SLC5A2: variants seen among roughly 807,000 people sequenced by gnomAD.
The protein encoded by SLC5A2 is solute carrier family 5 member 2.
A neutral mutation model predicts 69.0 loss-of-function variants in SLC5A2; 67 were observed. The ratio of observed to expected loss-of-function variants is 0.97; its 90% confidence interval spans 0.80 to 1.19. The LOEUF (loss-of-function observed/expected upper bound fraction) is 1.19, where lower values mean the gene tolerates loss of function less well. Among genes scored for constraint, SLC5A2 ranks in the 50% most tolerant of loss-of-function variants. SLC5A2 has a pLI of 0.00. For missense variants in SLC5A2, 1,001 were observed against 921.5 expected (o/e 1.09, Z -1.12); for synonymous variants, 455 against 395.8 (o/e 1.15, Z -1.78).
chr16:31,486,283 C>G lies in SLC5A2; in HGVS notation c.574+8C>G. 6.2e-7 allele frequency: 1 copy of G among 1,606,132 alleles called. No individual in the cohort carries two copies. The highest frequency in any genetic ancestry group is 1.3e-5 in the African/African-American group (1 of 74,854). On this transcript the variant is annotated splice_region_variant and intron_variant, in intron 5 of 13. Transcript: ENST00000330498. ...TGATTTACACGGTGACAGGTGCCAG[C>G]AGGGGCTTAGGAAAGGGAGTGGGCC...
intron 3 of SLC5A2, chr16:31,485,341 A>G: frequency 6.8e-6 from 3 of 439,852 alleles, no homozygotes; most frequent in South Asian, 6.7e-5. Context: ...GTTGGAGGGG[A>G]GATTGGGCTT....
chr16:31,485,864 C>A lies in SLC5A2; in HGVS notation c.439C>A (p.Leu147Ile). 6.2e-7 allele frequency: 1 copy of A among 1,613,670 alleles called. No homozygotes were observed. Among genetic ancestry groups the A allele is most frequent in the Non-Finnish European group, 8.5e-7 (1 of 1,180,034 alleles). ...RIRLYLSVLS[L>I]FLYIFTKISV... Reference sequence around the variant, plus strand: ...CCGCCTCTACCTGTCTGTGCTCTCCCTTTTCCTGTACATCTTCACCAAGAT... The same window carrying A: ...CCGCCTCTACCTGTCTGTGCTCTCCATTTTCCTGTACATCTTCACCAAGAT... The change falls in exon 4 of 14, where the codon CTT becomes ATT. Residue 147 changes from leucine (L) to isoleucine (I), a missense_variant. Physicochemically the swap from Leu to Ile is conservative, Grantham distance 5 (BLOSUM62 2). Coordinates refer to ENST00000330498, the MANE Select transcript of SLC5A2 (RefSeq NM_003041.4).
In SLC5A2 at chr16:31,490,337, C is replaced by T. The variant is rs1162874051; in HGVS notation, c.1821C>T (p.Phe607=). The change falls in exon 14 of 14, where the codon TTC becomes TTT. Residue 607 remains phenylalanine (F), a synonymous_variant. Coordinates refer to ENST00000330498, the MANE Select transcript of SLC5A2 (RefSeq NM_003041.4). The part of the protein sequence containing the change: ...NEPQAPAPSL[F]RQCLLWFCGM... ...CCCAGGCCCCGGCACCAAGCCTCTT[C>T]CGCCAGTGCCTGCTCTGGTTTTGTG... 1 of 1,612,598 alleles carries T rather than the reference C, an allele frequency of 6.2e-7. No homozygotes were observed. Among genetic ancestry groups the T allele is most frequent in the Non-Finnish European group, 8.5e-7 (1 of 1,179,464 alleles).
Position 31,489,320 on chromosome 16 carries a change from G to C in SLC5A2, c.1647G>C (p.Ala549=). 6.2e-7 allele frequency: 1 copy of C among 1,608,910 alleles called. No individual in the cohort carries two copies. Among genetic ancestry groups the C allele is most frequent in the African/African-American group, 1.3e-5 (1 of 75,042 alleles). ...CCCTCACGGTCTCCCTGTGCACCGC[G>C]CCCATCCCCAGAAAGCACGTGAGTG... is the stretch of plus-strand genomic sequence containing the variant. ...LLTLTVSLCT[A]PIPRKHLHRL... The change falls in exon 12 of 14, where the codon GCG becomes GCC. Residue 549 remains alanine, a synonymous_variant. Coordinates refer to ENST00000330498, the MANE Select transcript of SLC5A2 (RefSeq NM_003041.4).
intron 1 of SLC5A2, among the ~76,000 whole-genome samples, chr16:31,484,355 A>T (rs763995164): frequency 6.6e-6 from 1 of 151,244 alleles, no homozygotes; most frequent in Non-Finnish European, 1.5e-5. Context: ...TGGGAGGTGG[A>T]GGTTGTAGTG....
At position 31,489,338 on chromosome 16, in the gene SLC5A2, C is replaced by G. The variant is rs201758830; in HGVS notation, c.1665C>G (p.His555Gln). The G allele has an allele frequency of 1.9e-6, 3 of 1,606,954 alleles. No individual in the cohort carries two copies. The highest frequency in any genetic ancestry group is 2.7e-5 in the African/African-American group (2 of 75,040). Reference sequence around the variant, plus strand: ...GCACCGCGCCCATCCCCAGAAAGCACGTGAGTGGCCAGGTGCCCCAGGCAA... The same window carrying G: ...GCACCGCGCCCATCCCCAGAAAGCAGGTGAGTGGCCAGGTGCCCCAGGCAA... Reference protein sequence around the residue: ...SLCTAPIPRKHLHRLVFSLRH... With the variant: ...SLCTAPIPRKQLHRLVFSLRH... The change falls in exon 12 of 14, where the codon CAC becomes CAG. Residue 555 changes from histidine to glutamine, a missense_variant and splice_region_variant. By Grantham distance (24) the His-to-Gln change is conservative. Transcript: ENST00000330498.
chr16:31,487,809 G>T (rs759402018), intron 7 of SLC5A2, 50 bp downstream of exon 7: 3 of 1,537,460 alleles, frequency 2.0e-6, no homozygotes, highest in South Asian at 1.2e-5. Flanking sequence ...GAGCCGAGAC[G>T]GGCGGAGCCT....
intron 5 of SLC5A2, 126 bp downstream of exon 5, chr16:31,486,401 G>C (rs896432067): frequency 2.8e-6 from 2 of 719,064 alleles, no homozygotes; most frequent in South Asian, 2.9e-5. Flanking sequence ...GTCCAAGCAG[G>C]AGAAGGAACT....
intron 4 of SLC5A2, 127 bp downstream of exon 4, chr16:31,486,020 C>T: frequency 1.6e-6 from 2 of 1,243,556 alleles, no homozygotes; most frequent in Non-Finnish European, 2.3e-6. Context: ...GGAGGCAGAG[C>T]CTGCAATGAA....
At position 31,487,766 on chromosome 16, in the gene SLC5A2, G is replaced by T. The variant is rs752072314; in HGVS notation, c.885+7G>T. On this transcript the variant is annotated splice_region_variant and intron_variant, in intron 7 of 13. Coordinates refer to ENST00000330498, the MANE Select transcript of SLC5A2 (RefSeq NM_003041.4). ...GTACTGGTGCAGCGACCAGGTGCGG[G>T]TATAGGGCTGCGCCTGCAGTGAGGC... The T allele has an allele frequency of 1.2e-6, 2 of 1,603,604 alleles. No individual in the cohort carries two copies. The highest frequency in any genetic ancestry group is 1.7e-6 in the Non-Finnish European group (2 of 1,176,460).
At chr16:31,489,650 G>A (rs999379095) in intron 12 of SLC5A2, 30 of 513,100 alleles carry the variant, frequency 5.8e-5, no homozygotes, top group African/African-American at 3.8e-4. Flanking sequence ...CCACAAAAAG[G>A]TTTGGTTTTG....
chr16:31,490,570 C>G lies in SLC5A2; in HGVS notation c.*35C>G. 1 of 1,531,986 alleles carries G rather than the reference C, an allele frequency of 6.5e-7. No individual in the cohort carries two copies. Among genetic ancestry groups the G allele is most frequent in the Non-Finnish European group, 9.0e-7 (1 of 1,115,438 alleles). 94.9% of individuals were successfully genotyped at this position (1,531,986 alleles called of 1,614,324 possible). On this transcript the variant is annotated 3_prime_UTR_variant, in exon 14 of 14. Coordinates refer to ENST00000330498, the MANE Select transcript of SLC5A2 (RefSeq NM_003041.4). ...CGTTGGACACCATAAGCCACAGCCT[C>G]ACAGGAAGTGGGGGTGAGGAGCCTG... is the stretch of plus-strand genomic sequence containing the variant.
At chr16:31,489,409 G>C (rs1246454854) in intron 12 of SLC5A2, 71 bp downstream of exon 12, 2 of 1,401,690 alleles carry the variant, frequency 1.4e-6, no homozygotes, top group Non-Finnish European at 2.0e-6. Flanking sequence ...GGAGTGCCCA[G>C]CTGGGAGGAC....
chr16:31,486,368 G>A, intron 5 of SLC5A2, 93 bp downstream of exon 5: 1 of 909,418 alleles, frequency 1.1e-6, no homozygotes. Context: ...AAGCAAGCTG[G>A]AGAGGTCTGG....
chr16:31,490,347 C>T lies in SLC5A2; in HGVS notation c.1831C>T (p.Leu611=). The T allele has an allele frequency of 6.2e-7, 1 of 1,613,010 alleles. No individual in the cohort carries two copies. Among genetic ancestry groups the T allele is most frequent in the Non-Finnish European group, 8.5e-7 (1 of 1,179,620 alleles). ...APAPSLFRQC[L]LWFCGMSRGG... is the part of the protein sequence containing the mutation. ...GGCACCAAGCCTCTTCCGCCAGTGC[C>T]TGCTCTGGTTTTGTGGAATGAGCAG... The change falls in exon 14 of 14, where the codon CTG becomes TTG. Residue 611 remains leucine, a synonymous_variant. Transcript: ENST00000330498.
At chr16:31,483,314 G>C (rs757164405) in intron 1 of SLC5A2, 52 bp downstream of exon 1, 1 of 1,611,496 alleles carries the variant, frequency 6.2e-7, no homozygotes, top group South Asian at 1.1e-5. Flanking sequence ...GGGGGCCTGG[G>C]GGAAAAGTCT....
intron 3 of SLC5A2, 133 bp downstream of exon 3, chr16:31,485,056 G>C (rs771216476): frequency 3.6e-6 from 3 of 835,494 alleles, no homozygotes; most frequent in South Asian, 1.4e-5. Flanking sequence ...TGACTGGGCT[G>C]GGAGTGGAGG....
rs1011247665 is a variant in SLC5A2 at position 31,490,033 on chromosome 16, G to C, written c.1666-71G>C. ...GTAGGGCAGGCAGTGACGAGCTGGT[G>C]TGCAAGAGACTTTAGGGCCAGGCAT... is the stretch of plus-strand genomic sequence containing the variant. On this transcript the variant is annotated intron_variant, in intron 12 of 13. Transcript: ENST00000330498. 29 of 1,602,876 alleles carry C rather than the reference G, an allele frequency of 1.8e-5. No individual in the cohort carries two copies. In the African/African-American group the frequency reaches 3.8e-4, roughly 21 times the overall value.
chr16:31,487,804 G>A (rs771197063), intron 7 of SLC5A2, 45 bp downstream of exon 7: 5 of 1,540,930 alleles, frequency 3.2e-6, no homozygotes, highest in Non-Finnish European at 4.4e-6. Flanking sequence ...GGGCGGAGCC[G>A]AGACGGGCGG....
Sources: allele counts gnomAD v4.1 joint callset (sites outside exome capture counted in the v4.1 genomes callset), GRCh38; gene constraint gnomAD v4.1.1; transcripts MANE v1.5; gene names NCBI Gene and HGNC (gene_info 2026-07-23, HGNC 2026-07-21).